The following SPIDR variants were observed in gnomAD, a reference collection of about 807,000 sequenced individuals.
SPIDR encodes the protein DNA repair-scaffolding protein.
A neutral mutation model predicts 104.6 loss-of-function variants in SPIDR; 93 were observed. The ratio of observed to expected loss-of-function variants is 0.89; its 90% CI spans 0.75 to 1.06. The LOEUF (loss-of-function observed/expected upper bound fraction) is 1.06. Among genes scored for constraint, SPIDR ranks in the 50% least tolerant of loss-of-function variants. The pLI is 0.00. For missense variants in SPIDR, 1,154 were observed against 1,111.2 expected (o/e 1.04, Z -0.55); for synonymous variants, 431 against 416.9 (o/e 1.03, Z -0.41).
chr8:47,709,021 G>A (rs1371595929), intron 14 of SPIDR, among the ~76,000 whole-genome samples: 1 of 150,732 alleles, frequency 6.6e-6, no homozygotes, highest in East Asian at 1.9e-4. Context: ...TGCCCAGGTT[G>A]GAATGGAGTG....
At chr8:47,634,204 C>T (rs1440786007) in intron 10 of SPIDR, among the ~76,000 whole-genome samples, 2 of 118,718 alleles carry the variant, frequency 1.7e-5, no homozygotes, top group African/African-American at 3.1e-5. Flanking sequence ...CCTGTAATCC[C>T]AGCACTTTGG....
intron 5 of SPIDR, among the ~76,000 whole-genome samples, chr8:47,378,565 A>G (rs970876990): frequency 4.6e-5 from 7 of 152,360 alleles, no homozygotes; most frequent in Admixed American, 4.6e-4. Context: ...CATTGTGTAT[A>G]AGATACTGTG....
At chr8:47,412,215 G>T (rs1312513570) in intron 7 of SPIDR, among the ~76,000 whole-genome samples, 1 of 152,098 alleles carries the variant, frequency 6.6e-6, no homozygotes, top group East Asian at 1.9e-4. Flanking sequence ...GCTTGATGGG[G>T]ATGGCATTGA....
At chr8:47,567,784 T>C (rs1196112693) in intron 8 of SPIDR, among the ~76,000 whole-genome samples, 9 of 134,208 alleles carry the variant, frequency 6.7e-5, no homozygotes, top group Non-Finnish European at 1.4e-4. Flanking sequence ...CTTTTTCTTT[T>C]TTTTTTTTTT....
chr8:47,516,431 A>G (rs1342154558), intron 8 of SPIDR, among the ~76,000 whole-genome samples: 1 of 151,390 alleles, frequency 6.6e-6, no homozygotes, highest in African/African-American at 2.4e-5. Context: ...CTAAACACTA[A>G]CTCCTTCTCC....
chr8:47,590,167 C>CT lies in SPIDR; in HGVS notation c.1098-5643dup, dbSNP rs1289747897. Among the ~76,000 whole-genome samples, 6 of 145,974 alleles carry CT rather than the reference C, an allele frequency of 4.1e-5. No individual in the cohort carries two copies. In the East Asian group the frequency reaches 1.2e-3, roughly 29 times the overall value. Reference sequence around the variant, plus strand: ...CCAGCCCAGGTGACAGAGCAAGACTCTGTCTCAAAAAAAAAAAAAAAAATT... The same window carrying CT: ...CCAGCCCAGGTGACAGAGCAAGACTCTTGTCTCAAAAAAAAAAAAAAAAATT... On this transcript the variant is annotated intron_variant, in intron 8 of 19. Transcript: ENST00000297423.
In SPIDR at chr8:47,420,671, T is replaced by G. The variant is rs180736082; in HGVS notation, c.877+12710T>G. ...ATCCCGTCATTATGATGTTACCTGG[T>G]TATTTTGCTCATTAGTTGATGCAGT... is the stretch of plus-strand genomic sequence containing the variant. On this transcript the variant is annotated intron_variant, in intron 7 of 19. Transcript: ENST00000297423. Among the ~76,000 whole-genome samples the G allele has an allele frequency of 1.6e-3, 245 of 152,328 alleles. 1 individual carries two copies. Among genetic ancestry groups the G allele is most frequent in the African/African-American group, 5.7e-3 (237 of 41,574 alleles).
chr8:47,488,437 G>A (rs1025171521), intron 8 of SPIDR, among the ~76,000 whole-genome samples: 1 of 152,178 alleles, frequency 6.6e-6, no homozygotes, highest in African/African-American at 2.4e-5. Flanking sequence ...GGAGGAGCTG[G>A]TACCATTCCT....
chr8:47,368,344 A>C (rs891989629), intron 5 of SPIDR, among the ~76,000 whole-genome samples: 10 of 10,650 alleles, frequency 9.4e-4, no homozygotes, highest in Non-Finnish European at 2.4e-3. Flanking sequence ...TTGAGAAGTC[A>C]AAAAAAAAAA....
intron 5 of SPIDR, among the ~76,000 whole-genome samples, chr8:47,319,860 G>A (rs570022189): frequency 5.3e-5 from 8 of 151,940 alleles, no homozygotes; most frequent in South Asian, 2.1e-4. Context: ...GGTACATAAC[G>A]AAATGAAAGC....
At chr8:47,541,629 AC>A (rs773426047) in intron 8 of SPIDR, among the ~76,000 whole-genome samples, 5 of 152,074 alleles carry the variant, frequency 3.3e-5, no homozygotes, top group Non-Finnish European at 7.4e-5. Flanking sequence ...GGGCACAGTG[AC>A]TCACACCTGG....
intron 10 of SPIDR, among the ~76,000 whole-genome samples, chr8:47,656,260 A>T (rs1008998275): frequency 3.3e-5 from 5 of 152,216 alleles, no homozygotes; most frequent in South Asian, 2.1e-4. Context: ...AAATTTGCAA[A>T]TCACTAGTCT....
At chr8:47,590,247 A>T (rs981683409) in intron 8 of SPIDR, among the ~76,000 whole-genome samples, 10 of 150,908 alleles carry the variant, frequency 6.6e-5, no homozygotes, top group African/African-American at 2.4e-4. Flanking sequence ...TAGGTTTTTG[A>T]GGTAAGAACT....
intron 5 of SPIDR, among the ~76,000 whole-genome samples, chr8:47,338,209 T>G (rs2050119142): frequency 6.6e-6 from 1 of 152,188 alleles, no homozygotes; most frequent in Admixed American, 6.5e-5. Flanking sequence ...GAGATTACAT[T>G]CTTGTAATGA....
intron 1 of SPIDR, among the ~76,000 whole-genome samples, chr8:47,268,540 A>G (rs1469113268): frequency 6.6e-6 from 1 of 152,132 alleles, no homozygotes; most frequent in African/African-American, 2.4e-5. Flanking sequence ...CTTTGGTTAA[A>G]TTTATTCCTA....
At chr8:47,546,656 T>C (rs985276053) in intron 8 of SPIDR, 2 of 153,014 alleles carry the variant, frequency 1.3e-5, no homozygotes, top group African/African-American at 4.8e-5. Context: ...ATTTTGCTCT[T>C]GTTTTCCTAA....
intron 8 of SPIDR, among the ~76,000 whole-genome samples, chr8:47,496,698 CAT>C (rs2079498263): frequency 6.9e-6 from 1 of 144,740 alleles, no homozygotes. Flanking sequence ...CTATTGACCT[CAT>C]AGAATGAATT....
At chr8:47,582,234 A>AG (rs2059782089) in intron 8 of SPIDR, among the ~76,000 whole-genome samples, 1 of 150,450 alleles carries the variant, frequency 6.6e-6, no homozygotes, top group East Asian at 2.0e-4. Flanking sequence ...AAAAAAAAAA[A>AG]CTGCTTGTTT....
chr8:47,381,935 G>T (rs2059376598), intron 5 of SPIDR, among the ~76,000 whole-genome samples: 1 of 152,202 alleles, frequency 6.6e-6, no homozygotes, highest in South Asian at 2.1e-4. Context: ...TGTTCTACCA[G>T]CTGGGTAGCA....
Sources: gnomAD v4.1 joint callset for allele counts (sites outside exome capture counted in the v4.1 genomes callset) on GRCh38, gnomAD v4.1.1 for gene constraint, MANE v1.5 for transcripts, NCBI Gene and HGNC (gene_info 2026-07-23, HGNC 2026-07-21) for gene names.